Variants in CFAP144 observed in about 807,000 individuals in gnomAD.
CFAP144 encodes the protein cilia- and flagella-associated protein 144.
At chr1:43,144,191 C>A in the CFAP144 span, among the ~76,000 whole-genome samples, 1 of 152,122 alleles carries the variant, frequency 6.6e-6, no homozygotes, top group African/African-American at 2.4e-5. Context: ...CATAGTATCC[C>A]AAAAACAAGG....
At chr1:43,149,599 G>A in the CFAP144 span, among the ~76,000 whole-genome samples, 1 of 152,134 alleles carries the variant, frequency 6.6e-6, no homozygotes, top group East Asian at 1.9e-4. Context: ...AGTGTCCAAA[G>A]CCGTTCAAAC....
At chr1:43,153,039 A>G in the CFAP144 span, 1 of 1,377,928 alleles carries the variant, frequency 7.3e-7, no homozygotes, top group Non-Finnish European at 9.9e-7. Flanking sequence ...GAACCTGGCT[A>G]CCTCTTACCA....
chr1:43,148,601 C>T, the CFAP144 span, among the ~76,000 whole-genome samples: 1 of 152,148 alleles, frequency 6.6e-6, no homozygotes, highest in African/African-American at 2.4e-5. Context: ...GATCCACACG[C>T]CCAACCACCT....
chr1:43,153,466 T>C, the CFAP144 span, among the ~76,000 whole-genome samples: 3 of 151,888 alleles, frequency 2.0e-5, no homozygotes, highest in Non-Finnish European at 4.4e-5. Flanking sequence ...AAAAATTAGC[T>C]GGGCATGGTG....
the CFAP144 span, chr1:43,152,849 A>C: frequency 6.2e-7 from 1 of 1,611,554 alleles, no homozygotes; most frequent in Non-Finnish European, 8.5e-7. Flanking sequence ...AATCTCATTC[A>C]CCATGCTGCC....
At chr1:43,152,881 C>T in the CFAP144 span, 1 of 1,613,420 alleles carries the variant, frequency 6.2e-7, no homozygotes. Flanking sequence ...GAAGAAGTAC[C>T]CAGAGACACA....
At chr1:43,150,957 A>G in the CFAP144 span, 1 of 672,960 alleles carries the variant, frequency 1.5e-6, no homozygotes, top group Non-Finnish European at 2.6e-6. Context: ...GACTCATACT[A>G]ACCAAGCTCA....
chr1:43,148,912 C>T, the CFAP144 span, among the ~76,000 whole-genome samples: 1 of 152,160 alleles, frequency 6.6e-6, no homozygotes. Context: ...CAGTGAAAGA[C>T]ACCATCATGC....
the CFAP144 span, among the ~76,000 whole-genome samples, chr1:43,154,395 T>A: frequency 1.2e-4 from 10 of 85,168 alleles, no homozygotes; most frequent in Non-Finnish European, 1.8e-4. Flanking sequence ...TACACACACA[T>A]ATATGTATAC....
chr1:43,148,852 C>T, the CFAP144 span, among the ~76,000 whole-genome samples: 1 of 152,208 alleles, frequency 6.6e-6, no homozygotes, highest in Non-Finnish European at 1.5e-5. Flanking sequence ...AAAAAAGGCA[C>T]AAGTCCTGTT....
At chr1:43,148,029 G>T in the CFAP144 span, 11 of 1,613,988 alleles carry the variant, frequency 6.8e-6, no homozygotes, top group Non-Finnish European at 9.3e-6. Flanking sequence ...TGTACCTCAA[G>T]GAGCTACGAA....
chr1:43,151,036 T>C, the CFAP144 span, among the ~76,000 whole-genome samples: 1 of 152,188 alleles, frequency 6.6e-6, no homozygotes, highest in South Asian at 2.1e-4. Flanking sequence ...TTAAATAAAA[T>C]TTTTAAAAGA....
the CFAP144 span, chr1:43,152,733 T>C: frequency 7.4e-7 from 1 of 1,343,794 alleles, no homozygotes; most frequent in Admixed American, 2.7e-5. Context: ...ACAGATGCTC[T>C]GCCTGAAAGG....
chr1:43,149,146 A>G, the CFAP144 span, among the ~76,000 whole-genome samples: 5 of 152,194 alleles, frequency 3.3e-5, no homozygotes, highest in Admixed American at 3.3e-4. Flanking sequence ...TAGGAGGACA[A>G]TTAGATCACA....
At chr1:43,150,726 A>T in the CFAP144 span, 2 of 1,570,408 alleles carry the variant, frequency 1.3e-6, no homozygotes, top group African/African-American at 1.4e-5. Flanking sequence ...TCATGTTTTA[A>T]TCTGAACTTG....
the CFAP144 span, chr1:43,153,052 T>TATCC: frequency 1.6e-6 from 2 of 1,279,776 alleles, no homozygotes; most frequent in Admixed American, 4.6e-5. Flanking sequence ...TCTTACCAGC[T>TATCC]GGATAAGTTA....
chr1:43,147,504 GT>G, the CFAP144 span, among the ~76,000 whole-genome samples: 1 of 152,188 alleles, frequency 6.6e-6, no homozygotes, highest in Non-Finnish European at 1.5e-5. Flanking sequence ...GAAACCTCCG[GT>G]TTTTTTGTGA....
At chr1:43,147,380 A>C in the CFAP144 span, among the ~76,000 whole-genome samples, 1 of 116,666 alleles carries the variant, frequency 8.6e-6, no homozygotes, top group Non-Finnish European at 1.7e-5. Flanking sequence ...TTAAACACAA[A>C]CATTAAAAAT....
At chr1:43,144,670 C>G in the CFAP144 span, among the ~76,000 whole-genome samples, 10 of 152,156 alleles carry the variant, frequency 6.6e-5, no homozygotes, top group Non-Finnish European at 8.8e-5. Context: ...CACTACCCTA[C>G]TGTAAGGATC....
Sources: allele counts gnomAD v4.1 joint callset (sites outside exome capture counted in the v4.1 genomes callset), GRCh38; gene constraint gnomAD v4.1.1; transcripts MANE v1.5; gene names NCBI Gene and HGNC (gene_info 2026-07-23, HGNC 2026-07-21).